The following ALDH2 variants were observed in gnomAD, a reference collection of about 807,000 sequenced individuals.
The protein encoded by ALDH2 is aldehyde dehydrogenase, mitochondrial.
A neutral mutation model predicts 59.6 loss-of-function variants in ALDH2; 44 were observed. That is an observed-to-expected ratio of 0.74 (90% CI 0.58 to 0.95). The LOEUF is 0.95. ALDH2 is among the 40% of genes least tolerant of loss of function. ALDH2 has a pLI of 0.00. For synonymous variants in ALDH2, 291 were observed against 284.0 expected, an observed-to-expected ratio of 1.02 and a Z score of -0.25; for missense variants, 570 against 696.3, an observed-to-expected ratio of 0.82 and a Z score of 2.04.
At position 111,817,273 on chromosome 12, in the gene ALDH2, G is replaced by A. The variant is rs901380778; in HGVS notation, c.*7698G>A. 8.5e-5 allele frequency: 13 copies of A among 152,208 alleles called. No homozygotes were observed. Among genetic ancestry groups the A allele is most frequent in the Admixed American group, 8.5e-4 (13 of 15,276 alleles). 9.4% of individuals were successfully genotyped at this position (152,208 alleles called of 1,614,324 possible). A position where few individuals can be genotyped will look rare whatever the true frequency, so the allele number is the denominator to read the frequency against. ...ATGCCTAAGGCTCTATGGGCACAATGAGTAAGTTGAGTTAGAAGATGTTTC... is the reference window on the plus strand; with the variant it reads ...ATGCCTAAGGCTCTATGGGCACAATAAGTAAGTTGAGTTAGAAGATGTTTC... On this transcript the variant is annotated 3_prime_UTR_variant, in exon 13 of 13. Coordinates refer to ENST00000261733, the MANE Select transcript of ALDH2 (RefSeq NM_000690.4).
At chr12:111,796,564 T>C (rs968529) in intron 9 of ALDH2, among the ~76,000 whole-genome samples, 144,463 of 152,144 alleles carry the variant, frequency 0.95, 68,663 homozygotes, top group East Asian at 1. Flanking sequence ...TATTCTCCAT[T>C]GGTAACCACT....
chr12:111,817,337 C>T lies in ALDH2; in HGVS notation c.*7762C>T, dbSNP rs1593094136. The T allele has an allele frequency of 6.6e-6, 1 of 152,162 alleles. No individual in the cohort carries two copies. Among genetic ancestry groups the T allele is most frequent in the East Asian group, 1.9e-4 (1 of 5,194 alleles). 9.4% of individuals were successfully genotyped at this position (152,162 alleles called of 1,614,324 possible). A position where few individuals can be genotyped will look rare whatever the true frequency, so the allele number is the denominator to read the frequency against. ...CAGGTGTGGTAGCCCAAGGCTGGGA[C>T]AGATTAACAGGAATCCATAGCCCAG... is the stretch of plus-strand genomic sequence containing the variant. On this transcript the variant is annotated 3_prime_UTR_variant, in exon 13 of 13. Transcript: ENST00000261733.
At position 111,799,980 on chromosome 12, in the gene ALDH2, G is replaced by A. The variant is rs141556759; in HGVS notation, c.1323G>A (p.Thr441=). The A allele has an allele frequency of 1.5e-4, 244 of 1,613,996 alleles. 1 individual carries two copies. The African/African-American group carries it at 2.7e-3, about 18-fold the overall frequency. Residue 441 remains threonine, a synonymous_variant, in exon 11 of 13, where the codon ACG becomes ACA. Coordinates refer to ENST00000261733, the MANE Select transcript of ALDH2 (RefSeq NM_000690.4). ...TTGTTGGGAGAGCCAACAATTCCAC[G>A]TACGGGCTGGCCGCAGCTGTCTTCA... is the stretch of plus-strand genomic sequence containing the variant. ...EEVVGRANNS[T]YGLAAAVFTK...
intron 4 of ALDH2, among the ~76,000 whole-genome samples, chr12:111,785,548 AC>A (rs1433920023): frequency 9.2e-5 from 14 of 151,852 alleles, no homozygotes; most frequent in African/African-American, 3.4e-4. Context: ...ACATGATGAA[AC>A]CCCATCTCTA....
chr12:111,804,089 C>T, intron 12 of ALDH2, 116 bp downstream of exon 12: 1 of 650,936 alleles, frequency 1.5e-6, no homozygotes. Flanking sequence ...GCCAGAGGTT[C>T]AGGACCTGCC....
At chr12:111,772,397 C>T (rs1429498992) in intron 1 of ALDH2, among the ~76,000 whole-genome samples, 1 of 152,134 alleles carries the variant, frequency 6.6e-6, no homozygotes, top group Non-Finnish European at 1.5e-5. Flanking sequence ...TGTAGTCTCA[C>T]TCTGTCGCCC....
chr12:111,773,107 C>T (rs543834119), intron 1 of ALDH2, among the ~76,000 whole-genome samples: 8 of 151,680 alleles, frequency 5.3e-5, no homozygotes, highest in African/African-American at 9.7e-5. Flanking sequence ...AAAAATTGGC[C>T]GGTGTGGTGG....
intron 12 of ALDH2, among the ~76,000 whole-genome samples, chr12:111,804,920 A>G (rs1339333901): frequency 6.6e-6 from 1 of 152,188 alleles, no homozygotes; most frequent in African/African-American, 2.4e-5. Context: ...CAATGACTGG[A>G]ATATAGCCTG....
chr12:111,783,971 G>A (rs2068292403), intron 3 of ALDH2, among the ~76,000 whole-genome samples: 1 of 152,150 alleles, frequency 6.6e-6, no homozygotes, highest in South Asian at 2.1e-4. Context: ...AAGAAACCAG[G>A]AGGCAATCTC....
Position 111,809,628 on chromosome 12 carries a change from G to A in ALDH2, c.*53G>A. On this transcript the variant is annotated 3_prime_UTR_variant, in exon 13 of 13. Transcript: ENST00000261733. ...ATTGATGGAAAGTTCAGCAAGATCA[G>A]CAACAAAACCAAGAAAAATGATCCT... 1.3e-6 allele frequency: 2 copies of A among 1,597,434 alleles called. No homozygotes were observed. The highest frequency in any genetic ancestry group is 1.1e-5 in the South Asian group (1 of 90,290).
chr12:111,782,100 AC>A, intron 2 of ALDH2, 78 bp downstream of exon 2: 1 of 1,100,906 alleles, frequency 9.1e-7, no homozygotes, highest in Non-Finnish European at 1.4e-6. Flanking sequence ...TGAAAGCTTT[AC>A]CATATATGTG....
intron 11 of ALDH2, among the ~76,000 whole-genome samples, chr12:111,802,832 A>G (rs1000057878): frequency 6.7e-6 from 1 of 149,838 alleles, no homozygotes; most frequent in African/African-American, 2.5e-5. Context: ...GTGAGCCGAG[A>G]TCGCACCACT....
In ALDH2 at chr12:111,791,332, C is replaced by T. The variant is rs1161245536; in HGVS notation, c.708C>T (p.Asn236=). The change falls in exon 7 of 13, where the codon AAC becomes AAT. Residue 236 remains asparagine, a synonymous_variant. Coordinates refer to ENST00000261733, the MANE Select transcript of ALDH2 (RefSeq NM_000690.4). ...KEAGFPPGVV[N]IVPGFGPTAG... Reference sequence around the variant, plus strand: ...CTGGCTTTCCCCCTGGTGTGGTCAACATTGTGCCTGGATTTGGCCCCACGG... The same window carrying T: ...CTGGCTTTCCCCCTGGTGTGGTCAATATTGTGCCTGGATTTGGCCCCACGG... The T allele has an allele frequency of 4.3e-6, 7 of 1,614,030 alleles. No individual in the cohort carries two copies. The highest frequency in any genetic ancestry group is 5.1e-6 in the Non-Finnish European group (6 of 1,180,020).
At chr12:111,775,322 A>G (rs2068227168) in intron 1 of ALDH2, among the ~76,000 whole-genome samples, 1 of 151,888 alleles carries the variant, frequency 6.6e-6, no homozygotes, top group Non-Finnish European at 1.5e-5. Flanking sequence ...GGCTCTTCCT[A>G]GCAGTCACCC....
At chr12:111,777,986 A>G (rs908639433) in intron 1 of ALDH2, among the ~76,000 whole-genome samples, 1 of 152,150 alleles carries the variant, frequency 6.6e-6, no homozygotes, top group Non-Finnish European at 1.5e-5. Flanking sequence ...TGCGGGTTCC[A>G]CCATAGAGAT....
chr12:111,789,524 A>G (rs1010659866), intron 4 of ALDH2, among the ~76,000 whole-genome samples: 6 of 152,160 alleles, frequency 3.9e-5, no homozygotes, highest in Admixed American at 1.3e-4. Flanking sequence ...AGAAAGAAAA[A>G]AAAAAAATCT....
chr12:111,782,909 T>C (rs1044488329), intron 2 of ALDH2, among the ~76,000 whole-genome samples: 1 of 147,674 alleles, frequency 6.8e-6, no homozygotes, highest in Non-Finnish European at 1.5e-5. Flanking sequence ...AAAAAGAAAA[T>C]ACAGAAATTA....
In ALDH2 at chr12:111,811,694, G is replaced by A. The variant is rs2068537193; in HGVS notation, c.*2119G>A. On this transcript the variant is annotated 3_prime_UTR_variant, in exon 13 of 13. Transcript: ENST00000261733. ...TTGCCATGTTGGCCAGGCTGGTGTT[G>A]AAGGCCTGACCTCAGGTAATCCACC... 1 of 152,444 alleles carries A rather than the reference G, an allele frequency of 6.6e-6. No homozygotes were observed. Among genetic ancestry groups the A allele is most frequent in the Non-Finnish European group, 1.5e-5 (1 of 68,374 alleles). The allele number at this position is 152,444 out of a possible 1,614,324, so 9.4% of individuals were successfully genotyped here.
chr12:111,774,318 G>A (rs556919518), intron 1 of ALDH2, among the ~76,000 whole-genome samples: 1 of 152,236 alleles, frequency 6.6e-6, no homozygotes, highest in Admixed American at 6.5e-5. Flanking sequence ...GAATGTGTGT[G>A]GCATTCCGTG....
Sources: allele counts gnomAD v4.1 joint callset (sites outside exome capture counted in the v4.1 genomes callset), GRCh38; gene constraint gnomAD v4.1.1; transcripts MANE v1.5; gene names NCBI Gene and HGNC (gene_info 2026-07-23, HGNC 2026-07-21).